The following CFAP299 variants were observed in gnomAD, a reference collection of about 807,000 sequenced individuals.
The protein encoded by CFAP299 is cilia- and flagella-associated protein 299.
In CFAP299, 21 loss-of-function variants were observed where a neutral mutation model predicts 27.0. The ratio of observed to expected loss-of-function variants is 0.78; its 90% CI spans 0.55 to 1.12. The LOEUF is 1.12. Ranked by LOEUF, CFAP299 falls within the 50% of genes most tolerant of loss-of-function variation. The probability of loss-of-function intolerance (pLI) is 0.00; values close to 1 mark genes in which losing one functional copy is unlikely to be tolerated. For synonymous variants in CFAP299, 104 were observed against 98.1 expected, an observed-to-expected ratio of 1.06 and a Z score of -0.36; for missense variants, 310 against 276.6, an observed-to-expected ratio of 1.12 and a Z score of -0.86.
intron 3 of CFAP299, among the ~76,000 whole-genome samples, chr4:80,618,103 C>T (rs1486022): frequency 0.62 from 94,577 of 151,888 alleles, 33,624 homozygotes; most frequent in Non-Finnish European, 0.79. Flanking sequence ...GAGGAAAGAT[C>T]GGGATGAAGG....
At chr4:80,797,118 A>G (rs1727911263) in intron 3 of CFAP299, among the ~76,000 whole-genome samples, 1 of 152,168 alleles carries the variant, frequency 6.6e-6, no homozygotes, top group Non-Finnish European at 1.5e-5. Flanking sequence ...GTCAGTGTCC[A>G]GTAGTCCTCA....
In CFAP299 at chr4:80,931,175, G is replaced by A. The variant is rs78886440; in HGVS notation, c.477-13635G>A. 1.1e-4 allele frequency among the ~76,000 whole-genome samples: 14 copies of A among 128,892 alleles called. No homozygotes were observed. The South Asian group carries it at 1.1e-3, about 10-fold the overall frequency. 84.6% of individuals were successfully genotyped at this position (128,892 alleles called of 152,430 possible). Reference sequence around the variant, plus strand: ...AGTGAGTGAGTGAGTGAGTGAGTGAGTGAGTGAGTGAGTGAATTAGCATGG... The same window carrying A: ...AGTGAGTGAGTGAGTGAGTGAGTGAATGAGTGAGTGAGTGAATTAGCATGG... On this transcript the variant is annotated intron_variant, in intron 4 of 5. Transcript: ENST00000358105.
rs139266406 is a variant in CFAP299, at chr4:80,935,494, G to A, written c.477-9316G>A. Among the ~76,000 whole-genome samples the A allele has an allele frequency of 3.5e-3, 529 of 151,012 alleles. 3 individuals are homozygous for A. Among genetic ancestry groups the A allele is most frequent in the African/African-American group, 0.012 (502 of 41,286 alleles). ...GGAAAGTATTCCCTATTCAATAAAT[G>A]ATGCTGGGATAACTGGTTAGCGATA... On this transcript the variant is annotated intron_variant, in intron 4 of 5. Transcript: ENST00000358105.
intron 3 of CFAP299, among the ~76,000 whole-genome samples, chr4:80,805,490 T>C (rs1036352236): frequency 2.9e-4 from 44 of 152,260 alleles, no homozygotes; most frequent in Middle Eastern, 6.8e-3. Context: ...AAGTAGCAAT[T>C]AACTTGAACA....
chr4:80,449,676 T>G (rs1728805943), intron 2 of CFAP299, among the ~76,000 whole-genome samples: 1 of 151,766 alleles, frequency 6.6e-6, no homozygotes, highest in African/African-American at 2.4e-5. Context: ...TTTATTAATA[T>G]TTTCCATTTT....
rs185059175 is a variant in CFAP299 at position 80,867,233 on chromosome 4, G to A, written c.334-2760G>A. ...GTAGTGAAGCTCCATCCCTAGTAAT[G>A]GTTTTTATGTGAAAATCCATTTTGT... On this transcript the variant is annotated intron_variant, in intron 3 of 5. Transcript: ENST00000358105. Among the ~76,000 whole-genome samples the A allele has an allele frequency of 3.8e-3, 581 of 151,984 alleles. 1 individual carries two copies. Among genetic ancestry groups the A allele is most frequent in the Middle Eastern group, 0.014 (4 of 294 alleles).
chr4:80,406,396 C>T (rs972504197), intron 2 of CFAP299, among the ~76,000 whole-genome samples: 3 of 152,122 alleles, frequency 2.0e-5, no homozygotes, highest in Admixed American at 1.3e-4. Flanking sequence ...AGACAAGGCT[C>T]ACTCTGTCAC....
intron 4 of CFAP299, among the ~76,000 whole-genome samples, chr4:80,914,559 G>T (rs569517488): frequency 6.6e-6 from 1 of 152,174 alleles, no homozygotes; most frequent in East Asian, 1.9e-4. Context: ...GGAGGAAAAC[G>T]CCTCCCCATA....
At chr4:80,460,914 A>G (rs894872881) in intron 2 of CFAP299, among the ~76,000 whole-genome samples, 2 of 152,154 alleles carry the variant, frequency 1.3e-5, no homozygotes, top group African/African-American at 4.8e-5. Context: ...TCCTGACAAT[A>G]TGTGCCCAAG....
intron 2 of CFAP299, among the ~76,000 whole-genome samples, chr4:80,453,587 T>A (rs1728997601): frequency 6.6e-6 from 1 of 152,064 alleles, no homozygotes; most frequent in Admixed American, 6.6e-5. Flanking sequence ...ACGCCTGTAA[T>A]CCCAGCACTT....
the CFAP299 span, among the ~76,000 whole-genome samples, chr4:80,324,615 G>A: frequency 8.0e-4 from 122 of 152,248 alleles, no homozygotes; most frequent in Middle Eastern, 3.4e-3. Context: ...TGCTGCCACC[G>A]TCTCCTCTGT....
rs77920145 is a variant in CFAP299 at position 80,881,890 on chromosome 4, A to C, written c.476+11755A>C. 3.2e-4 allele frequency among the ~76,000 whole-genome samples: 49 copies of C among 152,328 alleles called. No individual in the cohort carries two copies. The East Asian group carries it at 8.9e-3, about 28-fold the overall frequency. ...AATAGATGAAATGTATGAGAAATTC[A>C]ATAAGGAGATAGAAATGATGAAAAA... On this transcript the variant is annotated intron_variant, in intron 4 of 5. Transcript: ENST00000358105.
At chr4:80,439,511 G>A (rs906837657) in intron 2 of CFAP299, among the ~76,000 whole-genome samples, 3 of 152,180 alleles carry the variant, frequency 2.0e-5, no homozygotes, top group Non-Finnish European at 4.4e-5. Context: ...GGTGCTATAC[G>A]GCCCAGATAC....
At chr4:80,777,661 C>A (rs1726630528) in intron 3 of CFAP299, among the ~76,000 whole-genome samples, 1 of 152,068 alleles carries the variant, frequency 6.6e-6, no homozygotes, top group African/African-American at 2.4e-5. Flanking sequence ...AATTTTGCAA[C>A]CTTGCTTGTG....
intron 3 of CFAP299, among the ~76,000 whole-genome samples, chr4:80,780,624 A>G (rs1383779361): frequency 6.6e-6 from 1 of 152,046 alleles, no homozygotes; most frequent in South Asian, 2.1e-4. Flanking sequence ...AAACCTATTT[A>G]TATCTACTGC....
At chr4:80,520,520 G>T (rs982324124) in intron 2 of CFAP299, among the ~76,000 whole-genome samples, 6 of 152,250 alleles carry the variant, frequency 3.9e-5, no homozygotes, top group East Asian at 3.9e-4. Flanking sequence ...TTTCTAAGGT[G>T]CCATCATTAA....
intron 3 of CFAP299, among the ~76,000 whole-genome samples, chr4:80,731,815 T>C (rs1723539099): frequency 6.6e-6 from 1 of 152,166 alleles, no homozygotes; most frequent in Non-Finnish European, 1.5e-5. Flanking sequence ...CCTGTTCATT[T>C]TCTAGGTACA....
chr4:80,681,915 A>G (rs1719868610), intron 3 of CFAP299, among the ~76,000 whole-genome samples: 1 of 152,146 alleles, frequency 6.6e-6, no homozygotes, highest in Non-Finnish European at 1.5e-5. Flanking sequence ...GAGCACTGTA[A>G]CCCACCAGAA....
chr4:80,572,507 G>GTTTT (rs550414533), intron 2 of CFAP299, among the ~76,000 whole-genome samples: 885 of 36,356 alleles, frequency 0.024, 187 homozygotes, highest in African/African-American at 0.051. Context: ...CTGGATCCCA[G>GTTTT]TTTTTTTTTT....
Sources: allele counts gnomAD v4.1 joint callset (sites outside exome capture counted in the v4.1 genomes callset), GRCh38; gene constraint gnomAD v4.1.1; transcripts MANE v1.5; gene names NCBI Gene and HGNC (gene_info 2026-07-23, HGNC 2026-07-21).